Variants in LPL observed in about 807,000 individuals in gnomAD.
The protein encoded by LPL is lipoprotein lipase, also known as phospholipase A1.
A neutral mutation model predicts 52.2 loss-of-function variants in LPL; 43 were observed. The observed-to-expected ratio is 0.82, with a 90% CI of 0.64 to 1.06. The LOEUF is 1.06. Ranked by LOEUF, LPL falls within the 50% of genes least tolerant of loss-of-function variation. LPL has a pLI of 0.00. For synonymous variants in LPL, 244 were observed against 215.6 expected, an observed-to-expected ratio of 1.13 and a Z score of -1.15; for missense variants, 639 against 585.3, an observed-to-expected ratio of 1.09 and a Z score of -0.95.
rs373148302 is a variant in LPL, at chr8:19,965,468, G to T, written c.*158G>T. 8 of 634,582 alleles carry T rather than the reference G, an allele frequency of 1.3e-5. No homozygotes were observed. Among genetic ancestry groups the T allele is most frequent in the African/African-American group, 5.5e-5 (3 of 54,968 alleles). The allele number at this position is 634,582 out of a possible 1,614,324, so 39.3% of individuals were successfully genotyped here. A position where few individuals can be genotyped will look rare whatever the true frequency, so the allele number is the denominator to read the frequency against. On this transcript the variant is annotated 3_prime_UTR_variant, in exon 10 of 10. Transcript: ENST00000650287. Reference sequence around the variant, plus strand: ...GCCCTACCCTTGTTAGTTATTTTAGGAGACAGTCTCAAGCACTAAAAAGTG... The same window carrying T: ...GCCCTACCCTTGTTAGTTATTTTAGTAGACAGTCTCAAGCACTAAAAAGTG...
chr8:19,954,216 C>A lies in LPL; in HGVS notation c.638C>A (p.Thr213Asn), dbSNP rs1407114060. 1 of 1,614,028 alleles carries A rather than the reference C, an allele frequency of 6.2e-7. No individual in the cohort carries two copies. Among genetic ancestry groups the A allele is most frequent in the Non-Finnish European group, 8.5e-7 (1 of 1,180,030 alleles). ...ADFVDVLHTF[T>N]RGSPGRSIGI... ...TTTGTAGACGTCTTACACACATTCA[C>A]CAGAGGGTCCCCTGGTCGAAGCATT... Residue 213 changes from threonine to asparagine, a missense_variant, in exon 5 of 10, where the codon ACC becomes AAC. Physicochemically the swap from Thr to Asn is moderately conservative, Grantham distance 65. Transcript: ENST00000650287.
intron 3 of LPL, among the ~76,000 whole-genome samples, chr8:19,952,647 A>G (rs2069945957): frequency 6.6e-6 from 1 of 152,214 alleles, no homozygotes; most frequent in African/African-American, 2.4e-5. Context: ...ATAAAAGACA[A>G]AAGTTCTTTT....
At chr8:19,942,071 G>C (rs1048800881) in intron 1 of LPL, among the ~76,000 whole-genome samples, 2 of 152,210 alleles carry the variant, frequency 1.3e-5, no homozygotes, top group African/African-American at 2.4e-5. Flanking sequence ...AGAGCTCAGC[G>C]AGGGAGTGAT....
chr8:19,952,282 C>T (rs2069941364), intron 3 of LPL, among the ~76,000 whole-genome samples: 1 of 152,220 alleles, frequency 6.6e-6, no homozygotes, highest in Non-Finnish European at 1.5e-5. Context: ...CCCTTCCCTA[C>T]CAGTTGGCTG....
At chr8:19,954,096 G>A (rs550087990) in intron 4 of LPL, 24 bp from the exon 5 acceptor site, 2 of 1,542,034 alleles carry the variant, frequency 1.3e-6, no homozygotes, top group Non-Finnish European at 1.8e-6. Flanking sequence ...ACAAATCTGT[G>A]TTCCTGCTTT....
rs1364173021 is a variant in LPL at position 19,950,784 on chromosome 8, A to G, written c.250-985A>G. ...ATGCCACTGCACTCCAGCCTGGGCGAGACAGTAAGACTCTGCCAAAAGAAA... is the reference window on the plus strand; with the variant it reads ...ATGCCACTGCACTCCAGCCTGGGCGGGACAGTAAGACTCTGCCAAAAGAAA... On this transcript the variant is annotated intron_variant, in intron 2 of 9. Coordinates refer to ENST00000650287, the MANE Select transcript of LPL (RefSeq NM_000237.3). This position sits in a 1 kb window ranked among gnomAD's most constrained non-coding sequence, Gnocchi z 4.2. 6.6e-6 allele frequency among the ~76,000 whole-genome samples: 1 copy of G among 152,046 alleles called. No homozygotes were observed. The highest frequency in any genetic ancestry group is 2.4e-5 in the African/African-American group (1 of 41,398).
At chr8:19,947,145 C>G (rs1437445289) in intron 1 of LPL, among the ~76,000 whole-genome samples, 1 of 152,152 alleles carries the variant, frequency 6.6e-6, no homozygotes, top group South Asian at 2.1e-4. Context: ...GGAGTGGGAA[C>G]AGTTTCATAC....
chr8:19,948,339 C>A lies in LPL; in HGVS notation c.248C>A (p.Thr83Lys). 6.2e-7 allele frequency: 1 copy of A among 1,613,760 alleles called. No homozygotes were observed. The highest frequency in any genetic ancestry group is 8.5e-7 in the Non-Finnish European group (1 of 1,179,750). ...SKTFMVIHGW[T>K]VTGMYESWVP... ...ACCTTCATGGTGATCCATGGCTGGA[C>A]GGTAAGGGAGGCTCTTTGGGGAAGA... The change falls in exon 2 of 10, where the codon ACG (threonine) becomes AAG (lysine). Residue 83 changes from threonine (T) to lysine (K), a missense_variant and splice_region_variant. Coordinates refer to ENST00000650287, the MANE Select transcript of LPL (RefSeq NM_000237.3).
chr8:19,956,663 G>C (rs1272870335), intron 6 of LPL, among the ~76,000 whole-genome samples: 1 of 152,034 alleles, frequency 6.6e-6, no homozygotes, highest in Non-Finnish European at 1.5e-5. Flanking sequence ...CTCATGCAAA[G>C]TTTTATTAGG....
At chr8:19,961,493 A>C (rs2128839711) in intron 8 of LPL, among the ~76,000 whole-genome samples, 1 of 152,238 alleles carries the variant, frequency 6.6e-6, no homozygotes, top group East Asian at 1.9e-4. Flanking sequence ...AGATAATCTC[A>C]ACCTGTCTCC....
At chr8:19,948,074 A>G (rs1250073244) in intron 1 of LPL, 106 bp from the exon 2 acceptor site, 3 of 1,243,546 alleles carry the variant, frequency 2.4e-6, no homozygotes. Context: ...CTTCAGAAAC[A>G]AAAATAGCAT....
At chr8:19,951,580 C>T in intron 2 of LPL, 189 bp from the exon 3 acceptor site, 1 of 709,852 alleles carries the variant, frequency 1.4e-6, no homozygotes, top group Non-Finnish European at 2.5e-6. Context: ...GCCTTCCTGG[C>T]TTACTTAGAT....
At chr8:19,956,939 T>C (rs189680182) in intron 6 of LPL, among the ~76,000 whole-genome samples, 4 of 152,244 alleles carry the variant, frequency 2.6e-5, no homozygotes, top group Admixed American at 2.0e-4. Context: ...TTCCCCTGCC[T>C]CAGCCTCCGG....
chr8:19,953,988 A>G (rs2128838112), intron 4 of LPL, 132 bp from the exon 5 acceptor site: 1 of 735,410 alleles, frequency 1.4e-6, no homozygotes, highest in Non-Finnish European at 2.5e-6. Context: ...AAGTAAAGAT[A>G]CCATGACTGT....
At chr8:19,957,656 T>C (rs2069998636) in intron 6 of LPL, among the ~76,000 whole-genome samples, 1 of 152,178 alleles carries the variant, frequency 6.6e-6, no homozygotes, top group African/African-American at 2.4e-5. Flanking sequence ...AATTCTCAAT[T>C]CAATGTCTCT....
intron 6 of LPL, among the ~76,000 whole-genome samples, chr8:19,957,400 G>A (rs148138250): frequency 6.6e-6 from 1 of 152,308 alleles, no homozygotes; most frequent in African/African-American, 2.4e-5. Context: ...CTGTAGAGGT[G>A]TCTTTCGTGG....
intron 2 of LPL, 55 bp downstream of exon 2, chr8:19,948,395 G>C: frequency 1.2e-6 from 2 of 1,601,370 alleles, no homozygotes; most frequent in Non-Finnish European, 8.5e-7. Flanking sequence ...ATCCTGACTG[G>C]CCTGCCCAAT....
At chr8:19,945,657 A>G (rs1007576774) in intron 1 of LPL, among the ~76,000 whole-genome samples, 2 of 152,200 alleles carry the variant, frequency 1.3e-5, no homozygotes, top group African/African-American at 4.8e-5. Context: ...ACACAAAGCC[A>G]GTCTTAGTCA....
In LPL at chr8:19,951,951, A is replaced by AAG. The variant is rs1458131671; in HGVS notation, c.429+5_429+6dup. On this transcript the variant is annotated splice_donor_region_variant and intron_variant, in intron 3 of 9. Transcript: ENST00000650287. The stretch of plus-strand genomic sequence containing the variant: ...CCCGGTTTATCAACTGGATGGAGGT[A>AAG]AGACTGGGAGAAGGAGACTTATGTG... The AAG allele has an allele frequency of 6.2e-7, 1 of 1,614,204 alleles. No individual in the cohort carries two copies. Among genetic ancestry groups the AAG allele is most frequent in the South Asian group, 1.1e-5 (1 of 91,086 alleles).
Sources: allele counts gnomAD v4.1 joint callset (sites outside exome capture counted in the v4.1 genomes callset), GRCh38; gene constraint gnomAD v4.1.1; non-coding constraint Gnocchi (gnomAD v3.1); transcripts MANE v1.5; gene names NCBI Gene and HGNC (gene_info 2026-07-23, HGNC 2026-07-21).